The following PLA2G4C variants were observed in gnomAD, a reference collection of about 807,000 sequenced individuals.
The protein encoded by PLA2G4C is cytosolic phospholipase A2 gamma.
A neutral mutation model predicts 73.8 loss-of-function variants in PLA2G4C; 64 were observed. The observed-to-expected ratio is 0.87, with a 90% CI of 0.71 to 1.07. PLA2G4C has a LOEUF of 1.07. PLA2G4C is among the 50% of genes least tolerant of loss of function. PLA2G4C has a pLI of 0.00. For synonymous variants in PLA2G4C, 254 were observed against 252.1 expected, an observed-to-expected ratio of 1.01 and a Z score of -0.07; for missense variants, 622 against 665.4, an observed-to-expected ratio of 0.93 and a Z score of 0.72.
intron 12 of PLA2G4C, 100 bp from the exon 13 acceptor site, chr19:48,067,986 T>C: frequency 1.2e-6 from 1 of 851,922 alleles, no homozygotes; most frequent in Non-Finnish European, 2.0e-6. Context: ...CCCATGGGGT[T>C]GTATCTGGAG....
chr19:48,083,636 G>A (rs1379374376), intron 10 of PLA2G4C, among the ~76,000 whole-genome samples: 1 of 151,454 alleles, frequency 6.6e-6, no homozygotes, highest in Non-Finnish European at 1.5e-5. Flanking sequence ...TAGTAGAGAT[G>A]GGGTTTCTCC....
At chr19:48,059,215 G>A (rs1170614899) in intron 14 of PLA2G4C, among the ~76,000 whole-genome samples, 7 of 150,560 alleles carry the variant, frequency 4.6e-5, no homozygotes, top group South Asian at 2.1e-4. Context: ...AGGTTGCAGT[G>A]AGCCGAGATT....
chr19:48,102,302 C>G (rs1233219842), intron 4 of PLA2G4C, among the ~76,000 whole-genome samples: 2 of 151,742 alleles, frequency 1.3e-5, no homozygotes, highest in Non-Finnish European at 2.9e-5. Context: ...ACCAGCCTGG[C>G]CAACACGGGG....
intron 10 of PLA2G4C, among the ~76,000 whole-genome samples, chr19:48,082,496 C>CT (rs66641645): frequency 0.38 from 40,094 of 105,894 alleles, 7,738 homozygotes; most frequent in Non-Finnish European, 0.44. Flanking sequence ...TTCTTTCTTT[C>CT]TTTTTTTTTT....
intron 9 of PLA2G4C, among the ~76,000 whole-genome samples, chr19:48,086,145 G>C (rs1367347634): frequency 1.3e-5 from 2 of 152,202 alleles, no homozygotes; most frequent in Non-Finnish European, 2.9e-5. Context: ...CACATGGCTA[G>C]GTGGGATAGA....
Position 48,095,580 on chromosome 19 carries a change from T to A in PLA2G4C, c.593A>T (p.His198Leu). 2 of 1,614,084 alleles carry A rather than the reference T, an allele frequency of 1.2e-6. No homozygotes were observed. Among genetic ancestry groups the A allele is most frequent in the Non-Finnish European group, 1.7e-6 (2 of 1,180,008 alleles). ...APETWFEFTP[H>L]HAGFSALGAF... ...CCCCAGTGCAGAGAAGCCAGCGTGG[T>A]GAGGGGTGAACTCGAACCAGGTCTC... Residue 198 changes from histidine (H) to leucine (L), a missense_variant, in exon 7 of 17, where the codon CAC (histidine) becomes CTC (leucine). By Grantham distance (99) the His-to-Leu change is moderately conservative. Coordinates refer to ENST00000599921, the MANE Select transcript of PLA2G4C (RefSeq NM_003706.3).
At chr19:48,069,679 T>C (rs959115333) in intron 12 of PLA2G4C, among the ~76,000 whole-genome samples, 2 of 152,194 alleles carry the variant, frequency 1.3e-5, no homozygotes, top group African/African-American at 2.4e-5. Flanking sequence ...AGAGCAAAGC[T>C]AGTAGGGAGG....
chr19:48,098,378 T>A, intron 5 of PLA2G4C, 119 bp from the exon 6 acceptor site: 1 of 907,998 alleles, frequency 1.1e-6, no homozygotes, highest in Non-Finnish European at 1.6e-6. Flanking sequence ...CAGGCTGGAG[T>A]GCAGTGGTAC....
At chr19:48,066,858 A>G (rs1388322921) in intron 13 of PLA2G4C, among the ~76,000 whole-genome samples, 1 of 151,876 alleles carries the variant, frequency 6.6e-6, no homozygotes, top group Non-Finnish European at 1.5e-5. Context: ...GTTCCCAGCT[A>G]TTCGGGAGGC....
At chr19:48,089,474 C>T (rs776613010) in intron 8 of PLA2G4C, among the ~76,000 whole-genome samples, 1 of 152,064 alleles carries the variant, frequency 6.6e-6, no homozygotes, top group Non-Finnish European at 1.5e-5. Flanking sequence ...GCCTGGCACA[C>T]AGGAGGTCCC....
chr19:48,095,617 T>C lies in PLA2G4C; in HGVS notation c.569-13A>G. 6.2e-7 allele frequency: 1 copy of C among 1,613,678 alleles called. No individual in the cohort carries two copies. The highest frequency in any genetic ancestry group is 8.5e-7 in the Non-Finnish European group (1 of 1,179,830). ...TCGAACCAGGTCTCTGCAGAGGAAA[T>C]ACAACGGCAAGTGAGTCCCAGCACA... is the stretch of plus-strand genomic sequence containing the variant. On this transcript the variant is annotated splice_polypyrimidine_tract_variant and intron_variant, in intron 6 of 16. Coordinates refer to ENST00000599921, the MANE Select transcript of PLA2G4C (RefSeq NM_003706.3).
At chr19:48,057,064 G>A (rs1040581492) in intron 14 of PLA2G4C, among the ~76,000 whole-genome samples, 2 of 151,696 alleles carry the variant, frequency 1.3e-5, no homozygotes, top group Non-Finnish European at 2.9e-5. Context: ...TGAAATAATC[G>A]GTACAACAAA....
chr19:48,099,098 A>C (rs982346623), intron 5 of PLA2G4C, among the ~76,000 whole-genome samples: 1 of 17,222 alleles, frequency 5.8e-5, no homozygotes, highest in Non-Finnish European at 1.2e-4. Flanking sequence ...CTGTCTCTAC[A>C]AAAAAAAAAA....
Position 48,099,705 on chromosome 19 carries a change from C to A in PLA2G4C, c.413G>T (p.Trp138Leu), listed in dbSNP as rs1218684491. 1.9e-6 allele frequency: 3 copies of A among 1,613,994 alleles called. No homozygotes were observed. The highest frequency in any genetic ancestry group is 2.5e-6 in the Non-Finnish European group (3 of 1,179,976). ...RSENYSLTDF[W>L]AYMVISKQTR... is the part of the protein sequence containing the mutation. The stretch of plus-strand genomic sequence containing the variant: ...TTGCTTAGAGATAACCATGTAGGCC[C>A]AGAAGTCGGTCAGAGAGTAATTCTC... Residue 138 changes from tryptophan to leucine, a missense_variant, in exon 5 of 17, where the codon TGG (tryptophan) becomes TTG (leucine). By Grantham distance (61) the Trp-to-Leu change is moderately conservative. Coordinates refer to ENST00000599921, the MANE Select transcript of PLA2G4C (RefSeq NM_003706.3).
chr19:48,087,300 T>C (rs974566094), intron 9 of PLA2G4C, among the ~76,000 whole-genome samples: 6 of 152,174 alleles, frequency 3.9e-5, no homozygotes, highest in Non-Finnish European at 8.8e-5. Context: ...ATGAAGGGTC[T>C]TGGATAAGGG....
chr19:48,104,837 C>T (rs2032088505), intron 3 of PLA2G4C, 113 bp from the exon 4 acceptor site: 1 of 992,302 alleles, frequency 1.0e-6, no homozygotes, highest in Admixed American at 2.6e-5. Flanking sequence ...AATCCCAGCA[C>T]ATTGGGAGGC....
intron 13 of PLA2G4C, 44 bp from the exon 14 acceptor site, chr19:48,062,196 T>C (rs369764048): frequency 1.3e-6 from 2 of 1,490,472 alleles, no homozygotes; most frequent in South Asian, 1.3e-5. Context: ...TTCTGGGGAC[T>C]GAAAGCAAGA....
intron 13 of PLA2G4C, among the ~76,000 whole-genome samples, chr19:48,063,256 C>T (rs1968264908): frequency 6.6e-6 from 1 of 151,866 alleles, no homozygotes; most frequent in South Asian, 2.1e-4. Flanking sequence ...CTTGGCAAGG[C>T]TGGTCTTGAA....
chr19:48,085,064 A>T lies in PLA2G4C; in HGVS notation c.839T>A (p.Ile280Asn), dbSNP rs766728941. 1 of 1,609,100 alleles carries T rather than the reference A, an allele frequency of 6.2e-7. No individual in the cohort carries two copies. Among genetic ancestry groups the T allele is most frequent in the African/African-American group, 1.3e-5 (1 of 74,968 alleles). Residue 280 changes from isoleucine (I) to asparagine (N), a missense_variant, in exon 10 of 17, where the codon ATT (isoleucine) becomes AAT (asparagine). Physicochemically the swap from Ile to Asn is moderately radical, Grantham distance 149 (BLOSUM62 -3). Transcript: ENST00000599921. ...VANAKSIGHL[I>N]FARLLRLQES... ...TCTGTTCCCCAAATACTCACCAAAA[A>T]TAAGGTGTCCAATGCTTTTAGCATT...
Sources: gnomAD v4.1 joint callset for allele counts (sites outside exome capture counted in the v4.1 genomes callset) on GRCh38, gnomAD v4.1.1 for gene constraint, MANE v1.5 for transcripts, NCBI Gene and HGNC (gene_info 2026-07-23, HGNC 2026-07-21) for gene names.